WASF3: variants seen among roughly 807,000 people sequenced by gnomAD.
WASF3 encodes the protein actin-binding protein WASF3.
In WASF3, 11 loss-of-function variants were observed where a neutral mutation model predicts 46.6. The ratio of observed to expected loss-of-function variants is 0.24; its 90% CI spans 0.15 to 0.39. WASF3 has a LOEUF of 0.39. WASF3 is among the 10% of genes least tolerant of loss of function. The probability of loss-of-function intolerance (pLI) is 1.00; values close to 1 mark genes in which losing one functional copy is unlikely to be tolerated. For missense variants in WASF3, 576 were observed against 669.8 expected (o/e 0.86, Z 1.55); for synonymous variants, 242 against 259.7 (o/e 0.93, Z 0.65).
chr13:26,609,982 T>C (rs1467003373), intron 1 of WASF3, among the ~76,000 whole-genome samples: 6 of 152,204 alleles, frequency 3.9e-5, no homozygotes, highest in African/African-American at 9.6e-5. Flanking sequence ...AAGTAAAATA[T>C]GGAGTTCCTC....
intron 3 of WASF3, among the ~76,000 whole-genome samples, chr13:26,661,363 G>A (rs1321258667): frequency 1.3e-5 from 2 of 152,136 alleles, no homozygotes; most frequent in African/African-American, 4.8e-5. Context: ...AAGTGGAATC[G>A]TACAGTATTT....
intron 1 of WASF3, among the ~76,000 whole-genome samples, chr13:26,592,655 A>G (rs1320855908): frequency 1.3e-5 from 2 of 152,066 alleles, no homozygotes; most frequent in African/African-American, 4.8e-5. Flanking sequence ...TAAAGGCCCT[A>G]CCTCCAAATG....
chr13:26,610,862 T>G (rs1048930640), intron 1 of WASF3, among the ~76,000 whole-genome samples: 3 of 152,208 alleles, frequency 2.0e-5, no homozygotes, highest in Admixed American at 2.0e-4. Flanking sequence ...GTTACTGATA[T>G]GCTCTCCATT....
upstream of WASF3, among the ~76,000 whole-genome samples, chr13:26,557,455 C>T (rs1044931883): frequency 5.3e-5 from 8 of 152,222 alleles, no homozygotes; most frequent in Non-Finnish European, 8.8e-5. Context: ...GCTGCCTAAG[C>T]CTCATCCCGA....
intron 1 of WASF3, among the ~76,000 whole-genome samples, chr13:26,564,474 T>C (rs370543293): frequency 6.6e-6 from 1 of 152,248 alleles, no homozygotes; most frequent in East Asian, 1.9e-4. Flanking sequence ...AGTTGAAAGC[T>C]GAATTGAATT....
intron 2 of WASF3, among the ~76,000 whole-genome samples, chr13:26,625,553 G>A (rs1881440478): frequency 6.6e-6 from 1 of 151,994 alleles, no homozygotes; most frequent in African/African-American, 2.4e-5. Flanking sequence ...GAGAGAGAGA[G>A]AAAATTCATC....
intron 1 of WASF3, among the ~76,000 whole-genome samples, chr13:26,568,316 T>G (rs1879535088): frequency 1.3e-5 from 2 of 152,182 alleles, no homozygotes; most frequent in African/African-American, 4.8e-5. Flanking sequence ...CGAAGTGCTG[T>G]GGCTGTTGGA....
At chr13:26,647,646 G>A (rs796184981) in intron 3 of WASF3, among the ~76,000 whole-genome samples, 45 of 152,008 alleles carry the variant, frequency 3.0e-4, no homozygotes, top group African/African-American at 9.9e-4. Flanking sequence ...TCATATGTAT[G>A]GTTTTGCTAC....
At position 26,685,854 on chromosome 13, in the gene WASF3, C is replaced by T. The variant is rs558590246; in HGVS notation, c.*9C>T. 2.1e-5 allele frequency: 34 copies of T among 1,609,082 alleles called. No individual in the cohort carries two copies. Among genetic ancestry groups the T allele is most frequent in the South Asian group, 1.3e-4 (12 of 91,004 alleles). On this transcript the variant is annotated 3_prime_UTR_variant, in exon 10 of 10. Transcript: ENST00000335327. Reference sequence around the variant, plus strand: ...ACGACTGGTCCGACTGAGCAAAGGCCGGCGGAGAGGCCGCGTGTGGGAGCG... The same window carrying T: ...ACGACTGGTCCGACTGAGCAAAGGCTGGCGGAGAGGCCGCGTGTGGGAGCG...
intron 1 of WASF3, among the ~76,000 whole-genome samples, chr13:26,567,425 G>C (rs979043863): frequency 6.6e-6 from 1 of 152,180 alleles, no homozygotes; most frequent in Non-Finnish European, 1.5e-5. Flanking sequence ...CAGCCTGTGG[G>C]CCACATCTGG....
intron 1 of WASF3, among the ~76,000 whole-genome samples, chr13:26,587,191 G>C (rs1162069144): frequency 6.8e-6 from 1 of 146,132 alleles, no homozygotes; most frequent in Non-Finnish European, 1.5e-5. Flanking sequence ...TTTTTTGGTG[G>C]TTTGTTTGTT....
At chr13:26,541,879 C>T in the WASF3 span, among the ~76,000 whole-genome samples, 1 of 152,190 alleles carries the variant, frequency 6.6e-6, no homozygotes, top group Non-Finnish European at 1.5e-5. Context: ...TCTCACTTTC[C>T]TCCTAATCCA....
At chr13:26,661,964 A>G (rs183054972) in intron 3 of WASF3, among the ~76,000 whole-genome samples, 1 of 152,222 alleles carries the variant, frequency 6.6e-6, no homozygotes, top group East Asian at 1.9e-4. Flanking sequence ...GTCAGCTACT[A>G]CTGTGAGGAA....
chr13:26,576,264 T>G (rs897772563), intron 1 of WASF3, among the ~76,000 whole-genome samples: 2 of 152,174 alleles, frequency 1.3e-5, no homozygotes, highest in Non-Finnish European at 2.9e-5. Flanking sequence ...TAATTCCTTC[T>G]CTACTATGAC....
chr13:26,680,152 AAG>A (rs1883183388), intron 7 of WASF3: 1 of 1,596,906 alleles, frequency 6.3e-7, no homozygotes, highest in East Asian at 2.2e-5. Context: ...GAGTGACGCA[AAG>A]AAACTGGAGC....
At chr13:26,554,540 G>T (rs576622207), upstream of WASF3, among the ~76,000 whole-genome samples, 57 of 152,270 alleles carry the variant, frequency 3.7e-4, 1 homozygote, top group Middle Eastern at 3.4e-3. Context: ...ATACAGCAAA[G>T]GTGACCTTGC....
In WASF3 at chr13:26,642,307, T is replaced by G. The variant is rs993569468; in HGVS notation, c.37T>G (p.Leu13Val). 5.6e-6 allele frequency: 9 copies of G among 1,597,594 alleles called. No homozygotes were observed. Among genetic ancestry groups the G allele is most frequent in the Non-Finnish European group, 7.7e-6 (9 of 1,175,064 alleles). ...GAAGAGGAACATTGAGCCCCGGCACTTGTGCCGGGGAGCTCTGCCTGAAGG... is the reference window on the plus strand; with the variant it reads ...GAAGAGGAACATTGAGCCCCGGCACGTGTGCCGGGGAGCTCTGCCTGAAGG... Reference protein sequence around the residue: ...LVKRNIEPRHLCRGALPEGIT... With the variant: ...LVKRNIEPRHVCRGALPEGIT... Residue 13 changes from leucine to valine, a missense_variant, in exon 3 of 10, where the codon TTG (leucine) becomes GTG (valine). Leu to Val is a conservative substitution (Grantham distance 32). Transcript: ENST00000335327.
At chr13:26,548,989 GT>G in the WASF3 span, among the ~76,000 whole-genome samples, 93 of 143,642 alleles carry the variant, frequency 6.5e-4, 2 homozygotes, top group South Asian at 0.011. Flanking sequence ...TTCTTTCTTT[GT>G]TTTTTTTTTT....
At chr13:26,618,276 GTTGT>G (rs1881196701) in intron 2 of WASF3, among the ~76,000 whole-genome samples, 1 of 151,984 alleles carries the variant, frequency 6.6e-6, no homozygotes, top group Non-Finnish European at 1.5e-5. Flanking sequence ...GTATCTTCTA[GTTGT>G]TTGTACGAAA....
Sources: gnomAD v4.1 joint callset for allele counts (sites outside exome capture counted in the v4.1 genomes callset) on GRCh38, gnomAD v4.1.1 for gene constraint, MANE v1.5 for transcripts, NCBI Gene and HGNC (gene_info 2026-07-23, HGNC 2026-07-21) for gene names.